UBE2E2: variants seen among roughly 807,000 people sequenced by gnomAD.
The protein encoded by UBE2E2 is ubiquitin-conjugating enzyme E2 E2.
UBE2E2 carries 6 observed loss-of-function variants against 24.7 expected under a neutral mutation model. That is an observed-to-expected ratio of 0.24 (90% CI 0.13 to 0.48). The LOEUF (loss-of-function observed/expected upper bound fraction) is 0.48. Among genes scored for constraint, UBE2E2 ranks in the 20% least tolerant of loss-of-function variants. UBE2E2 has a pLI of 0.99. For synonymous variants in UBE2E2, 104 were observed against 83.6 expected (o/e 1.24, Z -1.33); for missense variants, 169 against 245.0 (o/e 0.69, Z 2.07).
At chr3:23,212,821 T>C (rs1217808056) in intron 2 of UBE2E2, among the ~76,000 whole-genome samples, 1 of 152,138 alleles carries the variant, frequency 6.6e-6, no homozygotes, top group Non-Finnish European at 1.5e-5. Context: ...TTAAAATTTA[T>C]GTGCACAATT....
At chr3:23,307,221 G>A (rs1699261403) in intron 3 of UBE2E2, among the ~76,000 whole-genome samples, 1 of 152,060 alleles carries the variant, frequency 6.6e-6, no homozygotes, top group Non-Finnish European at 1.5e-5. Flanking sequence ...TTTCATAGCT[G>A]TCAATGTCTT....
chr3:23,432,442 A>C (rs1435723776), intron 3 of UBE2E2, among the ~76,000 whole-genome samples: 1 of 152,086 alleles, frequency 6.6e-6, no homozygotes, highest in African/African-American at 2.4e-5. Flanking sequence ...ACTTTAAACA[A>C]ATTTTTTACA....
chr3:23,389,013 AAAAAAG>A (rs571131268), intron 3 of UBE2E2, among the ~76,000 whole-genome samples: 1,838 of 148,538 alleles, frequency 0.012, 16 homozygotes, highest in Middle Eastern at 0.017. Context: ...AAAAAAAAAA[AAAAAAG>A]AAAAAGAAAA....
chr3:23,388,759 T>TACTTTAG (rs1396561371), intron 3 of UBE2E2, among the ~76,000 whole-genome samples: 1 of 151,914 alleles, frequency 6.6e-6, no homozygotes, highest in Non-Finnish European at 1.5e-5. Context: ...GTAATCCCAG[T>TACTTTAG]ACTTTAGGAG....
intron 3 of UBE2E2, among the ~76,000 whole-genome samples, chr3:23,371,038 T>G (rs191825983): frequency 6.6e-6 from 1 of 152,294 alleles, no homozygotes; most frequent in Admixed American, 6.5e-5. Flanking sequence ...TTTAAAAAAT[T>G]TTTTTAATAG....
chr3:23,572,875 A>G lies in UBE2E2; in HGVS notation c.509-16859A>G, dbSNP rs188478059. On this transcript the variant is annotated intron_variant, in intron 5 of 5. Transcript: ENST00000396703. ...GTGCAAGTGTCTTTTTGGTAGAACAATCTATTTTCCTTTGGGTATATACCC... is the reference window on the plus strand; with the variant it reads ...GTGCAAGTGTCTTTTTGGTAGAACAGTCTATTTTCCTTTGGGTATATACCC... Among the ~76,000 whole-genome samples the G allele has an allele frequency of 2.8e-4, 43 of 152,302 alleles. No individual in the cohort carries two copies. The East Asian group carries it at 8.3e-3, about 29-fold the overall frequency.
At chr3:23,434,195 A>G (rs1056844370) in intron 3 of UBE2E2, among the ~76,000 whole-genome samples, 1 of 152,076 alleles carries the variant, frequency 6.6e-6, no homozygotes, top group East Asian at 1.9e-4. Flanking sequence ...TTACTGTGCA[A>G]TTTTGTTGTA....
rs574825661 is a variant in UBE2E2, at chr3:23,591,638, C to T, written c.*1807C>T. 4 of 152,176 alleles carry T rather than the reference C, an allele frequency of 2.6e-5. No homozygotes were observed. Among genetic ancestry groups the T allele is most frequent in the African/African-American group, 9.7e-5 (4 of 41,446 alleles). 9.4% of individuals were successfully genotyped at this position (152,176 alleles called of 1,614,324 possible). The stretch of plus-strand genomic sequence containing the variant: ...TGGGCAGAGCTATATTCCAGTGAAA[C>T]TTTATTTACCACCATAGGCATGGGA... On this transcript the variant is annotated 3_prime_UTR_variant, in exon 6 of 6. Transcript: ENST00000396703.
rs1297979100 is a variant in UBE2E2, at chr3:23,327,072, A to G, written c.227+109760A>G. ...CCACATTTTCTTAATCCAGTCTGTC[A>G]TTGTTGGACATTTGGGTTGGTTCCA... On this transcript the variant is annotated intron_variant, in intron 3 of 5. Coordinates refer to ENST00000396703, the MANE Select transcript of UBE2E2 (RefSeq NM_152653.4). Among the ~76,000 whole-genome samples the G allele has an allele frequency of 2.6e-5, 4 of 152,290 alleles. 1 individual carries two copies. The highest frequency in any genetic ancestry group is 9.6e-5 in the African/African-American group (4 of 41,554).
In UBE2E2 at chr3:23,302,571, C is replaced by G. The variant is rs542482988; in HGVS notation, c.227+85259C>G. On this transcript the variant is annotated intron_variant, in intron 3 of 5. Transcript: ENST00000396703. ...ATCTAATGAGTGCTGAATAGCTTAT[C>G]ATCTAAAATCCTAGATGCTTCTAGA... Among the ~76,000 whole-genome samples the G allele has an allele frequency of 3.9e-5, 6 of 152,300 alleles. No homozygotes were observed. The East Asian group carries it at 1.2e-3, about 29-fold the overall frequency.
chr3:23,535,981 A>G (rs1432491703), intron 5 of UBE2E2, among the ~76,000 whole-genome samples: 2 of 152,196 alleles, frequency 1.3e-5, no homozygotes, highest in African/African-American at 2.4e-5. Context: ...CTTACTAAAC[A>G]TTATTTAATT....
At chr3:23,420,194 G>A (rs181843258) in intron 3 of UBE2E2, among the ~76,000 whole-genome samples, 1 of 152,238 alleles carries the variant, frequency 6.6e-6, no homozygotes. Flanking sequence ...CAGTATCTAT[G>A]TCTATTCATA....
rs141948615 is a variant in UBE2E2, at chr3:23,361,247, A to G, written c.228-138361A>G. 8.4e-3 allele frequency among the ~76,000 whole-genome samples: 1,281 copies of G among 152,316 alleles called. 17 individuals carry two copies. Among genetic ancestry groups the G allele is most frequent in the African/African-American group, 0.028 (1,176 of 41,570 alleles). On this transcript the variant is annotated intron_variant, in intron 3 of 5. Transcript: ENST00000396703. ...GCTTCTGGGAATGTAAACTAGTACAACCACTATGGAAAACAGTGTGGAGAT... is the reference window on the plus strand; with the variant it reads ...GCTTCTGGGAATGTAAACTAGTACAGCCACTATGGAAAACAGTGTGGAGAT...
At chr3:23,513,996 A>G (rs1022422035) in intron 4 of UBE2E2, among the ~76,000 whole-genome samples, 16 of 152,206 alleles carry the variant, frequency 1.1e-4, no homozygotes, top group African/African-American at 3.6e-4. Flanking sequence ...TGCCCTGCTT[A>G]AAACTCTTCA....
At chr3:23,314,945 G>C (rs1036937862) in intron 3 of UBE2E2, among the ~76,000 whole-genome samples, 13 of 152,092 alleles carry the variant, frequency 8.5e-5, no homozygotes, top group African/African-American at 2.9e-4. Context: ...GTTAAATCTG[G>C]TTGGTTTTCT....
chr3:23,504,255 C>T (rs1453306132), intron 4 of UBE2E2, among the ~76,000 whole-genome samples: 1 of 152,132 alleles, frequency 6.6e-6, no homozygotes, highest in Non-Finnish European at 1.5e-5. Flanking sequence ...TATATATTTC[C>T]AGTAAACATT....
chr3:23,495,329 A>G (rs977283734), intron 3 of UBE2E2, among the ~76,000 whole-genome samples: 1 of 152,166 alleles, frequency 6.6e-6, no homozygotes, highest in African/African-American at 2.4e-5. Flanking sequence ...TCTTGGTGAG[A>G]TACTGCTGTC....
chr3:23,223,646 T>TGA (rs1696730379), intron 3 of UBE2E2, among the ~76,000 whole-genome samples: 2 of 152,188 alleles, frequency 1.3e-5, no homozygotes, highest in Non-Finnish European at 2.9e-5. Flanking sequence ...CTTTGTTGAT[T>TGA]GTTTCCTTTG....
In UBE2E2 at chr3:23,515,923, G is replaced by A. The variant is rs190866631; in HGVS notation, c.360+16183G>A. Among the ~76,000 whole-genome samples the A allele has an allele frequency of 3.3e-3, 504 of 152,194 alleles. 1 individual carries two copies. Among genetic ancestry groups the A allele is most frequent in the Non-Finnish European group, 5.6e-3 (384 of 68,008 alleles). ...GTTGGAGATAGCAGTGAGCTATAAT[G>A]ATGCCACTATACTCCAGCCTGGGCA... On this transcript the variant is annotated intron_variant, in intron 4 of 5. Coordinates refer to ENST00000396703, the MANE Select transcript of UBE2E2 (RefSeq NM_152653.4).
Sources: gnomAD v4.1 joint callset for allele counts (sites outside exome capture counted in the v4.1 genomes callset) on GRCh38, gnomAD v4.1.1 for gene constraint, MANE v1.5 for transcripts, NCBI Gene and HGNC (gene_info 2026-07-23, HGNC 2026-07-21) for gene names.